SMIM36: variants seen among roughly 807,000 people sequenced by gnomAD.
The protein encoded by SMIM36 is small integral membrane protein 36.
intron 4 of SMIM36, among the ~76,000 whole-genome samples, chr17:55,457,224 C>T (rs1386891189): frequency 9.2e-5 from 14 of 151,908 alleles, no homozygotes; most frequent in African/African-American, 2.7e-4. Flanking sequence ...CTGAGACGGG[C>T]GGATCACGAG....
At chr17:55,530,963 T>G in the SMIM36 span, among the ~76,000 whole-genome samples, 1 of 152,160 alleles carries the variant, frequency 6.6e-6, no homozygotes, top group Admixed American at 6.5e-5. Flanking sequence ...AATTTCCTAT[T>G]TAAGCCTACC....
chr17:55,500,126 A>AT (rs1909881728), intron 1 of SMIM36, among the ~76,000 whole-genome samples: 2 of 151,476 alleles, frequency 1.3e-5, no homozygotes, highest in South Asian at 2.1e-4. Context: ...AATTAAAAAA[A>AT]ATTTTTTTTT....
chr17:55,515,382 C>T (rs912014043), upstream of SMIM36, among the ~76,000 whole-genome samples: 8 of 152,042 alleles, frequency 5.3e-5, no homozygotes, highest in African/African-American at 1.7e-4. Context: ...CATATTTTGT[C>T]GCAACTTAAA....
chr17:55,474,807 C>A (rs912975172), intron 3 of SMIM36, among the ~76,000 whole-genome samples: 1 of 152,096 alleles, frequency 6.6e-6, no homozygotes, highest in Non-Finnish European at 1.5e-5. Context: ...AGTAAGCCCA[C>A]CCCACTAGGA....
chr17:55,461,356 A>G (rs118175162), intron 4 of SMIM36, among the ~76,000 whole-genome samples: 1 of 152,314 alleles, frequency 6.6e-6, no homozygotes, highest in African/African-American at 2.4e-5. Flanking sequence ...ATCTCAACAC[A>G]TAATACTAAA....
intron 3 of SMIM36, chr17:55,477,195 G>A (rs994340829): frequency 6.6e-6 from 1 of 151,960 alleles, no homozygotes; most frequent in Non-Finnish European, 1.5e-5. Context: ...AAAAACAAAC[G>A]AACAAACAAA....
intron 1 of SMIM36, among the ~76,000 whole-genome samples, chr17:55,491,284 A>T (rs997091282): frequency 6.6e-6 from 1 of 151,796 alleles, no homozygotes; most frequent in African/African-American, 2.4e-5. Context: ...GGTCAGAAAA[A>T]AAATCTTCAA....
At chr17:55,496,100 T>G (rs974582794) in intron 1 of SMIM36, among the ~76,000 whole-genome samples, 1 of 152,226 alleles carries the variant, frequency 6.6e-6, no homozygotes, top group African/African-American at 2.4e-5. Flanking sequence ...CTTATAAGAA[T>G]GTCTTTATCA....
At chr17:55,466,270 T>G (rs1362253059) in intron 4 of SMIM36, among the ~76,000 whole-genome samples, 4 of 76,472 alleles carry the variant, frequency 5.2e-5, no homozygotes, top group Non-Finnish European at 6.9e-5. Context: ...AGATCAAGAC[T>G]CCGTCTCAAA....
At chr17:55,472,616 T>C (rs1022385146) in intron 3 of SMIM36, among the ~76,000 whole-genome samples, 1 of 152,204 alleles carries the variant, frequency 6.6e-6, no homozygotes, top group Non-Finnish European at 1.5e-5. Context: ...CTCACGCCTG[T>C]CATCCCAGCA....
chr17:55,499,442 T>C (rs1054957714), intron 1 of SMIM36, among the ~76,000 whole-genome samples: 7 of 152,202 alleles, frequency 4.6e-5, no homozygotes, highest in African/African-American at 1.7e-4. Context: ...CGAGCTGTTC[T>C]ATGAGCCTCT....
intron 3 of SMIM36, among the ~76,000 whole-genome samples, chr17:55,470,038 C>A (rs530132041): frequency 6.6e-6 from 1 of 152,134 alleles, no homozygotes; most frequent in Non-Finnish European, 1.5e-5. Flanking sequence ...AGCGGCCAGG[C>A]GTTCCTCCAG....
chr17:55,514,735 A>C (rs1910239019), upstream of SMIM36, among the ~76,000 whole-genome samples: 1 of 152,236 alleles, frequency 6.6e-6, no homozygotes, highest in Non-Finnish European at 1.5e-5. Flanking sequence ...ATTACTTAAT[A>C]ATACCAGATA....
chr17:55,469,482 G>A (rs1815611561), intron 3 of SMIM36, among the ~76,000 whole-genome samples: 1 of 152,076 alleles, frequency 6.6e-6, no homozygotes, highest in Non-Finnish European at 1.5e-5. Flanking sequence ...TTCTCAATAT[G>A]AATTTTATCA....
rs149775098 is a variant in SMIM36, at chr17:55,493,795, G to GCT, written c.*175-14217_*175-14216dup. On this transcript the variant is annotated intron_variant, in intron 1 of 4. Transcript: ENST00000636752. Reference sequence around the variant, plus strand: ...ACTGCACTCCAGCATGGGCAGCAGAGCTCTCTCTCTCTCAAAAAAAAAAAA... The same window carrying GCT: ...ACTGCACTCCAGCATGGGCAGCAGAGCTCTCTCTCTCTCTCAAAAAAAAAAAA... Among the ~76,000 whole-genome samples the GCT allele has an allele frequency of 5.1e-3, 531 of 104,894 alleles. 60 individuals are homozygous for GCT. The highest frequency in any genetic ancestry group is 0.034 in the East Asian group (85 of 2,488). 68.8% of individuals were successfully genotyped at this position (104,894 alleles called of 152,430 possible).
At chr17:55,482,445 C>A (rs928505806) in intron 1 of SMIM36, among the ~76,000 whole-genome samples, 7 of 152,164 alleles carry the variant, frequency 4.6e-5, no homozygotes, top group African/African-American at 1.7e-4. Flanking sequence ...TCCAGGCTTC[C>A]ACAGGCTGTT....
intron 1 of SMIM36, among the ~76,000 whole-genome samples, chr17:55,483,672 T>C (rs891626782): frequency 5.3e-5 from 8 of 152,218 alleles, no homozygotes; most frequent in Admixed American, 5.2e-4. Context: ...TTTTTTGAGA[T>C]GGAGTCTTGC....
intron 4 of SMIM36, among the ~76,000 whole-genome samples, chr17:55,450,949 C>T (rs180759567): frequency 2.0e-3 from 297 of 152,270 alleles, no homozygotes; most frequent in Non-Finnish European, 3.3e-3. Flanking sequence ...TGCAGTGGCA[C>T]GATCATGGCT....
At chr17:55,513,377 G>A (rs553031667), upstream of SMIM36, among the ~76,000 whole-genome samples, 8 of 152,268 alleles carry the variant, frequency 5.3e-5, no homozygotes, top group South Asian at 4.1e-4. Context: ...TTTTAAGTCC[G>A]ACAGATTCAG....
Sources: gnomAD v4.1 joint callset for allele counts (sites outside exome capture counted in the v4.1 genomes callset) on GRCh38, gnomAD v4.1.1 for gene constraint, MANE v1.5 for transcripts, NCBI Gene and HGNC (gene_info 2026-07-23, HGNC 2026-07-21) for gene names.